AOPEP: variants seen among roughly 807,000 people sequenced by gnomAD.
The protein encoded by AOPEP is aminopeptidase O (putative).
Under a neutral mutation model 98.1 loss-of-function variants are expected in AOPEP, and 77 were observed. That is an observed-to-expected ratio of 0.78 (90% CI 0.65 to 0.95). The LOEUF is 0.95. Among genes scored for constraint, AOPEP ranks in the 40% least tolerant of loss-of-function variants. The pLI is 0.00. For missense variants in AOPEP, 1,024 were observed against 1,024.7 expected, an observed-to-expected ratio of 1.00 and a Z score of 0.01; for synonymous variants, 346 against 365.3, an observed-to-expected ratio of 0.95 and a Z score of 0.60.
intron 11 of AOPEP, among the ~76,000 whole-genome samples, chr9:95,002,108 T>G (rs2061600532): frequency 6.6e-6 from 1 of 152,174 alleles, no homozygotes; most frequent in Non-Finnish European, 1.5e-5. Flanking sequence ...GCAATATAAC[T>G]AATATCCCAT....
chr9:95,079,815 GT>G (rs952667219), intron 14 of AOPEP, among the ~76,000 whole-genome samples: 4 of 152,226 alleles, frequency 2.6e-5, no homozygotes, highest in African/African-American at 9.6e-5. Context: ...TAGCTTGTCT[GT>G]TTTCAATGTT....
intron 5 of AOPEP, among the ~76,000 whole-genome samples, chr9:94,907,323 C>T (rs16905557): frequency 0.032 from 4,896 of 152,172 alleles, 204 homozygotes; most frequent in African/African-American, 0.094. Context: ...TGCTGCTTCT[C>T]GGGCTTCTCT....
At position 94,761,522 on chromosome 9, in the gene AOPEP, G is replaced by A. The variant is rs187164663; in HGVS notation, c.797+942G>A. ...TTTGGGAGCCTTCTTTTATAGCGTT[G>A]TATTTCCTTAATTGAAGCAGTGGTC... is the stretch of plus-strand genomic sequence containing the variant. On this transcript the variant is annotated intron_variant, in intron 2 of 16. Coordinates refer to ENST00000375315, the MANE Select transcript of AOPEP (RefSeq NM_001193329.3). Among the ~76,000 whole-genome samples, 179 of 152,256 alleles carry A rather than the reference G, an allele frequency of 1.2e-3. 1 individual carries two copies. Among genetic ancestry groups the A allele is most frequent in the Non-Finnish European group, 5.0e-4 (34 of 68,012 alleles).
chr9:94,804,749 A>G (rs1351314404), intron 5 of AOPEP, among the ~76,000 whole-genome samples: 1 of 152,262 alleles, frequency 6.6e-6, no homozygotes, highest in Non-Finnish European at 1.5e-5. Flanking sequence ...TGAAATGGAC[A>G]TTCTAGTCAG....
chr9:94,874,756 C>A (rs10217441), intron 5 of AOPEP, among the ~76,000 whole-genome samples: 1 of 152,136 alleles, frequency 6.6e-6, no homozygotes, highest in African/African-American at 2.4e-5. Flanking sequence ...TGCTACGACT[C>A]AAAAACCAGA....
chr9:94,764,995 C>T (rs1410313653), intron 2 of AOPEP, among the ~76,000 whole-genome samples: 2 of 152,146 alleles, frequency 1.3e-5, no homozygotes, highest in Non-Finnish European at 2.9e-5. Context: ...GCTGTTTTCT[C>T]ACTTTACCAT....
intron 5 of AOPEP, among the ~76,000 whole-genome samples, chr9:94,871,626 T>TA (rs1197886348): frequency 6.6e-6 from 1 of 152,230 alleles, no homozygotes; most frequent in Non-Finnish European, 1.5e-5. Flanking sequence ...GTTACAGACT[T>TA]AAAAGTATTT....
the AOPEP span, chr9:95,125,033 C>A: frequency 1.4e-6 from 2 of 1,478,494 alleles, no homozygotes; most frequent in Admixed American, 1.7e-5. Flanking sequence ...AAAATACTCT[C>A]AACAGCGTCT....
At chr9:95,067,535 A>AC (rs1263140206) in intron 14 of AOPEP, among the ~76,000 whole-genome samples, 4 of 152,290 alleles carry the variant, frequency 2.6e-5, no homozygotes, top group Admixed American at 2.6e-4. Context: ...CACTGAGGGA[A>AC]CCAGCCAGCG....
Position 94,800,890 on chromosome 9 carries a change from C to G in AOPEP, c.1252C>G (p.Arg418Gly). The change falls in exon 5 of 17, where the codon CGG becomes GGG. Residue 418 changes from arginine (R) to glycine (G), a missense_variant. By Grantham distance (125) the Arg-to-Gly change is moderately radical (BLOSUM62 -2). Coordinates refer to ENST00000375315, the MANE Select transcript of AOPEP (RefSeq NM_001193329.3). The stretch of plus-strand genomic sequence containing the variant: ...GGGTGCCTGCCAAGAGACCCTTCTG[C>G]GGCTGATCCCTCCTTGCCTCTCAGC... ...LTGACQETLL[R>G]LIPPCLSAAH... 2 of 1,614,160 alleles carry G rather than the reference C, an allele frequency of 1.2e-6. No homozygotes were observed. Among genetic ancestry groups the G allele is most frequent in the Non-Finnish European group, 1.7e-6 (2 of 1,180,034 alleles).
intron 11 of AOPEP, among the ~76,000 whole-genome samples, chr9:94,998,733 C>T (rs556363512): frequency 1.3e-5 from 2 of 152,308 alleles, no homozygotes; most frequent in East Asian, 3.9e-4. Context: ...CTCATCTTTG[C>T]ATTCACGAAA....
intron 11 of AOPEP, among the ~76,000 whole-genome samples, chr9:94,982,993 T>C (rs1589159682): frequency 6.6e-6 from 1 of 152,156 alleles, no homozygotes; most frequent in South Asian, 2.1e-4. Flanking sequence ...TTTTAGTTGC[T>C]ACAGAACTGC....
At chr9:94,760,924 C>T (rs555309149) in intron 2 of AOPEP, among the ~76,000 whole-genome samples, 2 of 152,296 alleles carry the variant, frequency 1.3e-5, no homozygotes, top group East Asian at 3.9e-4. Flanking sequence ...TGATACGTCT[C>T]CGAGTGAATA....
rs1439628239 is a variant in AOPEP, at chr9:94,760,116, TA to T, written c.336del (p.Asp113MetfsTer32). On this transcript the variant is annotated frameshift_variant, in exon 2 of 17. Transcript: ENST00000375315. LOFTEE classifies it high-confidence loss of function. ...GTAAAGGTGAAAAAGATACTTCTGATAAAGATGGTAACCATGACAACCAGGA... is the reference window on the plus strand; with the variant it reads ...GTAAAGGTGAAAAAGATACTTCTGATAAGATGGTAACCATGACAACCAGGA... ...CSKGEKDTSDKDGNHDNQEHA... is the reference protein window; with the variant it reads ...CSKGEKDTSDXDGNHDNQEHA... The T allele has an allele frequency of 6.2e-7, 1 of 1,614,184 alleles. No individual in the cohort carries two copies. Among genetic ancestry groups the T allele is most frequent in the African/African-American group, 1.3e-5 (1 of 75,044 alleles).
chr9:94,746,089 C>A (rs1328394375), intron 1 of AOPEP, among the ~76,000 whole-genome samples: 2 of 152,314 alleles, frequency 1.3e-5, no homozygotes, highest in Admixed American at 6.5e-5. Context: ...AAGAGCTGGG[C>A]AGAGATGTAG....
intron 4 of AOPEP, among the ~76,000 whole-genome samples, chr9:94,798,450 C>T (rs111416860): frequency 4.6e-5 from 7 of 152,308 alleles, no homozygotes; most frequent in African/African-American, 1.7e-4. Flanking sequence ...AGGTTGTATA[C>T]GATCACCAGA....
intron 11 of AOPEP, chr9:95,004,836 G>A (rs926624161): frequency 6.7e-6 from 1 of 148,514 alleles, no homozygotes; most frequent in Admixed American, 6.7e-5. Context: ...CCGTTCGTGG[G>A]GAGAACAATA....
At chr9:94,833,049 C>G (rs938276298) in intron 5 of AOPEP, among the ~76,000 whole-genome samples, 4 of 151,680 alleles carry the variant, frequency 2.6e-5, no homozygotes, top group African/African-American at 9.7e-5. Flanking sequence ...GATTCTGCTG[C>G]CTCAGCCTCC....
In AOPEP at chr9:94,924,133, C is replaced by T. The variant is rs1278847278; in HGVS notation, c.1512C>T (p.Phe504=). The part of the protein sequence containing the change: ...DWTEEWLSEG[F]ATHLEDVFWA... The stretch of plus-strand genomic sequence containing the variant: ...CGGAGGAGTGGCTGAGTGAAGGCTT[C>T]GCCACTCACTTGGAGGATGTGTTTT... Residue 504 remains phenylalanine, a synonymous_variant, in exon 6 of 17, where the codon TTC becomes TTT. Transcript: ENST00000375315. 24 of 1,488,846 alleles carry T rather than the reference C, an allele frequency of 1.6e-5. No homozygotes were observed. The highest frequency in any genetic ancestry group is 1.7e-4 in the Middle Eastern group (1 of 5,808). 92.2% of individuals were successfully genotyped at this position (1,488,846 alleles called of 1,614,324 possible).
Sources: gnomAD v4.1 joint callset for allele counts (sites outside exome capture counted in the v4.1 genomes callset) on GRCh38, gnomAD v4.1.1 for gene constraint, MANE v1.5 for transcripts, NCBI Gene and HGNC (gene_info 2026-07-23, HGNC 2026-07-21) for gene names.